TMEM108: variants seen among roughly 807,000 people sequenced by gnomAD.
TMEM108 encodes the protein cancer/testis antigen 124.
Under a neutral mutation model 35.1 loss-of-function variants are expected in TMEM108, and 12 were observed. The observed-to-expected ratio is 0.34, with a 90% CI of 0.22 to 0.55. TMEM108 has a LOEUF of 0.55. Among genes scored for constraint, TMEM108 ranks in the 20% least tolerant of loss-of-function variants. The pLI, the probability that TMEM108 is intolerant of heterozygous loss-of-function variation, is 0.89. For missense variants in TMEM108, 680 were observed against 753.3 expected, an observed-to-expected ratio of 0.90 and a Z score of 1.14; for synonymous variants, 287 against 308.6, an observed-to-expected ratio of 0.93 and a Z score of 0.73.
intron 3 of TMEM108, among the ~76,000 whole-genome samples, chr3:133,362,992 G>A (rs2072399916): frequency 6.6e-6 from 1 of 152,148 alleles, no homozygotes. Context: ...TCCAGAAAAA[G>A]CAGCATCTAA....
intron 3 of TMEM108, among the ~76,000 whole-genome samples, chr3:133,283,584 T>C (rs955275502): frequency 6.8e-6 from 1 of 146,802 alleles, no homozygotes; most frequent in African/African-American, 2.7e-5. Flanking sequence ...ATAGTCTGCT[T>C]TTTGAAAGTG....
rs1944857718 is a variant in TMEM108, at chr3:133,154,936, C to G, written c.-46-74330C>G. Reference sequence around the variant, plus strand: ...TGTGCAGGTTTGTTATATAAGTAAACTCATGACTAGGAGGTTCAGTATAGA... The same window carrying G: ...TGTGCAGGTTTGTTATATAAGTAAAGTCATGACTAGGAGGTTCAGTATAGA... On this transcript the variant is annotated intron_variant, in intron 2 of 5. Coordinates refer to ENST00000321871, the MANE Select transcript of TMEM108 (RefSeq NM_023943.4). Among the ~76,000 whole-genome samples the G allele has an allele frequency of 3.9e-5, 6 of 152,142 alleles. No homozygotes were observed. In the South Asian group the frequency reaches 1.2e-3, roughly 32 times the overall value.
rs533670786 is a variant in TMEM108 at position 133,230,883 on chromosome 3, G to A, written c.40+1532G>A. 2.0e-5 allele frequency among the ~76,000 whole-genome samples: 3 copies of A among 152,276 alleles called. No individual in the cohort carries two copies. In the South Asian group the frequency reaches 6.2e-4, roughly 32 times the overall value. ...TTGAGCAACTCTGAATGCTGAAGGGGGTTCAAACATCATCTGGCTAGCTAC... is the reference window on the plus strand; with the variant it reads ...TTGAGCAACTCTGAATGCTGAAGGGAGTTCAAACATCATCTGGCTAGCTAC... On this transcript the variant is annotated intron_variant, in intron 3 of 5. Coordinates refer to ENST00000321871, the MANE Select transcript of TMEM108 (RefSeq NM_023943.4).
At chr3:133,376,750 C>T (rs185528106) in intron 3 of TMEM108, among the ~76,000 whole-genome samples, 15 of 152,324 alleles carry the variant, frequency 9.8e-5, no homozygotes, top group Admixed American at 3.9e-4. Flanking sequence ...TTTCACTAAT[C>T]TCAGACCCCC....
At chr3:133,145,842 T>C (rs1944711683) in intron 2 of TMEM108, among the ~76,000 whole-genome samples, 1 of 152,216 alleles carries the variant, frequency 6.6e-6, no homozygotes, top group Non-Finnish European at 1.5e-5. Context: ...CTGAAGTTGC[T>C]TATCAGCTTG....
chr3:133,126,908 T>A (rs971214949), intron 2 of TMEM108, among the ~76,000 whole-genome samples: 3 of 152,188 alleles, frequency 2.0e-5, no homozygotes, highest in Non-Finnish European at 4.4e-5. Context: ...TCTGTATTAT[T>A]TTTTGTTGTA....
chr3:133,179,811 AAAT>A (rs1012953263), intron 2 of TMEM108, among the ~76,000 whole-genome samples: 1 of 142,150 alleles, frequency 7.0e-6, no homozygotes, highest in South Asian at 2.1e-4. Context: ...TATAATAAAA[AAAT>A]AAAATAAAAT....
intron 2 of TMEM108, among the ~76,000 whole-genome samples, chr3:133,103,144 T>C (rs1023194523): frequency 6.6e-6 from 1 of 152,208 alleles, no homozygotes; most frequent in African/African-American, 2.4e-5. Context: ...CCTATGTTCA[T>C]TGAAGCACTA....
intron 2 of TMEM108, among the ~76,000 whole-genome samples, chr3:133,188,114 T>A (rs1945447975): frequency 6.6e-6 from 1 of 152,174 alleles, no homozygotes; most frequent in South Asian, 2.1e-4. Context: ...GGAATGTTAT[T>A]ATTCAAAGCT....
At chr3:133,335,216 CAAAG>C (rs1227379935) in intron 3 of TMEM108, among the ~76,000 whole-genome samples, 1 of 152,116 alleles carries the variant, frequency 6.6e-6, no homozygotes, top group African/African-American at 2.4e-5. Flanking sequence ...CGCTGGATGA[CAAAG>C]ACTTTCATTT....
rs3054624 is a variant in TMEM108, at chr3:133,371,613, C to CAAAAAAAAAAAAAAAAA, written c.41-8129_41-8113dup. Among the ~76,000 whole-genome samples, 22 of 78,098 alleles carry CAAAAAAAAAAAAAAAAA rather than the reference C, an allele frequency of 2.8e-4. 1 individual carries two copies. Among genetic ancestry groups the CAAAAAAAAAAAAAAAAA allele is most frequent in the African/African-American group, 1.2e-3 (20 of 16,948 alleles). The allele number at this position is 78,098 out of a possible 152,430, so 51.2% of individuals were successfully genotyped here. The stretch of plus-strand genomic sequence containing the variant: ...ATCACTGCAGCCAGTCACAAACCCA[C>CAAAAAAAAAAAAAAAAA]AAAAAAAAAAAAAAAAAAAAAAAAA... On this transcript the variant is annotated intron_variant, in intron 3 of 5. Transcript: ENST00000321871.
intron 3 of TMEM108, among the ~76,000 whole-genome samples, chr3:133,305,121 A>G (rs1576444489): frequency 6.6e-6 from 1 of 152,130 alleles, no homozygotes; most frequent in Non-Finnish European, 1.5e-5. Flanking sequence ...AAAGATGCCT[A>G]TGAGCCACAT....
At chr3:133,133,521 T>C (rs1456705420) in intron 2 of TMEM108, among the ~76,000 whole-genome samples, 2 of 151,474 alleles carry the variant, frequency 1.3e-5, no homozygotes, top group African/African-American at 4.8e-5. Flanking sequence ...CACTTTATTA[T>C]GGTAGTCTGA....
intron 2 of TMEM108, among the ~76,000 whole-genome samples, chr3:133,116,489 TA>T (rs1196496268): frequency 6.6e-5 from 10 of 152,356 alleles, no homozygotes; most frequent in Non-Finnish European, 1.5e-4. Context: ...TCTTGTATTT[TA>T]TTTACATAAA....
chr3:133,133,011 G>C (rs1462093847), intron 2 of TMEM108, among the ~76,000 whole-genome samples: 1 of 152,198 alleles, frequency 6.6e-6, no homozygotes, highest in Admixed American at 6.5e-5. Flanking sequence ...GCAATCTCAT[G>C]ATAAAACTTG....
At position 133,353,683 on chromosome 3, in the gene TMEM108, T is replaced by C. The variant is rs376815849; in HGVS notation, c.41-26069T>C. Among the ~76,000 whole-genome samples the C allele has an allele frequency of 2.5e-3, 385 of 152,284 alleles. 1 individual carries two copies. The highest frequency in any genetic ancestry group is 8.7e-3 in the African/African-American group (362 of 41,552). The stretch of plus-strand genomic sequence containing the variant: ...GAAAGTCCTGGATTTGAGATTTTAG[T>C]TGGGGGAAAGAAAGGTGGTACAAGT... On this transcript the variant is annotated intron_variant, in intron 3 of 5. Coordinates refer to ENST00000321871, the MANE Select transcript of TMEM108 (RefSeq NM_023943.4).
Position 133,376,675 on chromosome 3 carries a change from C to A in TMEM108, c.41-3077C>A, listed in dbSNP as rs9818685. Among the ~76,000 whole-genome samples, 1,126 of 152,284 alleles carry A rather than the reference C, an allele frequency of 7.4e-3. 4 individuals carry two copies. Among genetic ancestry groups the A allele is most frequent in the Non-Finnish European group, 0.011 (722 of 68,026 alleles). On this transcript the variant is annotated intron_variant, in intron 3 of 5. Coordinates refer to ENST00000321871, the MANE Select transcript of TMEM108 (RefSeq NM_023943.4). ...GCAGCCTACTCAGCTCCACTGACGT[C>A]CCCTGTGAGTTTGAGGTGCCCACCT...
At chr3:133,318,875 A>G (rs1002248200) in intron 3 of TMEM108, among the ~76,000 whole-genome samples, 13 of 150,456 alleles carry the variant, frequency 8.6e-5, no homozygotes, top group African/African-American at 3.2e-4. Context: ...AAACCAAAAT[A>G]ATTTCTAGAT....
intron 3 of TMEM108, among the ~76,000 whole-genome samples, chr3:133,321,853 AC>A (rs2071271691): frequency 6.6e-6 from 1 of 152,206 alleles, no homozygotes; most frequent in South Asian, 2.1e-4. Flanking sequence ...GTGGAAAAAA[AC>A]TGGAAATTAA....
Sources: gnomAD v4.1 joint callset for allele counts (sites outside exome capture counted in the v4.1 genomes callset) on GRCh38, gnomAD v4.1.1 for gene constraint, MANE v1.5 for transcripts, NCBI Gene and HGNC (gene_info 2026-07-23, HGNC 2026-07-21) for gene names.